Variants in NCMAP observed in about 807,000 individuals in gnomAD.
NCMAP encodes the protein noncompact myelin-associated protein.
A neutral mutation model predicts 7.8 loss-of-function variants in NCMAP; 8 were observed. The observed-to-expected ratio is 1.02, with a 90% CI of 0.60 to 1.84. NCMAP has a LOEUF of 1.84. Ranked by LOEUF, NCMAP falls within the 40% of genes most tolerant of loss-of-function variation. The probability of loss-of-function intolerance (pLI) is 0.00; values close to 1 mark genes in which losing one functional copy is unlikely to be tolerated. For synonymous variants in NCMAP, 41 were observed against 52.9 expected (o/e 0.78, Z 0.98); for missense variants, 112 against 131.4 (o/e 0.85, Z 0.72).
At chr1:24,564,810 A>C (rs1383928425) in intron 1 of NCMAP, among the ~76,000 whole-genome samples, 1 of 152,166 alleles carries the variant, frequency 6.6e-6, no homozygotes, top group East Asian at 1.9e-4. Context: ...ACAGAGGAAC[A>C]AGAACTGGGT....
At chr1:24,604,602 AAAAATATATATATATATATATATATATAT>A (rs1557605291) in intron 3 of NCMAP, among the ~76,000 whole-genome samples, 17 of 45,510 alleles carry the variant, frequency 3.7e-4, no homozygotes, top group African/African-American at 5.6e-4. Flanking sequence ...AAAAAAAAAA[AAAAATATATATATATATATATATATATAT>A]ATATATATAT....
rs1482311769 is a variant in NCMAP at position 24,597,522 on chromosome 1, G to T, written c.82+2010G>T. The stretch of plus-strand genomic sequence containing the variant: ...GTCAAAAAAAGAAAGAGAAGGAAGG[G>T]GGGGGGGGAGGGGGAGGGGGAGGGG... On this transcript the variant is annotated intron_variant, in intron 2 of 3. Coordinates refer to ENST00000374392, the MANE Select transcript of NCMAP (RefSeq NM_001010980.5). 4.2e-4 allele frequency among the ~76,000 whole-genome samples: 14 copies of T among 33,394 alleles called. No homozygotes were observed. In the South Asian group the frequency reaches 0.033, roughly 79 times the overall value. The allele number at this position is 33,394 out of a possible 152,430, so 21.9% of individuals were successfully genotyped here. A position where few individuals can be genotyped will look rare whatever the true frequency, so the allele number is the denominator to read the frequency against.
chr1:24,600,378 T>A (rs1232611134), intron 2 of NCMAP, among the ~76,000 whole-genome samples: 1 of 152,076 alleles, frequency 6.6e-6, no homozygotes, highest in Non-Finnish European at 1.5e-5. Context: ...AGTCTCGAAC[T>A]CCTGGGCTCA....
At chr1:24,580,949 G>T (rs1405026251) in intron 1 of NCMAP, among the ~76,000 whole-genome samples, 1 of 152,150 alleles carries the variant, frequency 6.6e-6, no homozygotes, top group African/African-American at 2.4e-5. Flanking sequence ...TTTCAAACCT[G>T]GATTGGCGTC....
At chr1:24,597,433 A>C (rs1406476192) in intron 2 of NCMAP, among the ~76,000 whole-genome samples, 5 of 138,918 alleles carry the variant, frequency 3.6e-5, no homozygotes, top group Non-Finnish European at 7.8e-5. Flanking sequence ...GAACCTGGGA[A>C]GTGGAGGTTG....
At chr1:24,586,564 C>T (rs1381836949) in intron 1 of NCMAP, among the ~76,000 whole-genome samples, 3 of 152,140 alleles carry the variant, frequency 2.0e-5, no homozygotes, top group Non-Finnish European at 4.4e-5. Flanking sequence ...AGTTCAAGAC[C>T]AGTCTGGCCA....
intron 1 of NCMAP, among the ~76,000 whole-genome samples, chr1:24,579,282 T>C (rs971058351): frequency 1.3e-5 from 2 of 152,114 alleles, no homozygotes; most frequent in Non-Finnish European, 1.5e-5. Context: ...ATATCTTAGC[T>C]GTCTGAATAT....
intron 1 of NCMAP, among the ~76,000 whole-genome samples, chr1:24,580,102 C>T (rs1462541094): frequency 1.3e-5 from 2 of 152,154 alleles, no homozygotes; most frequent in South Asian, 4.1e-4. Context: ...ATGGACCACA[C>T]TGTGAGGGCC....
At chr1:24,572,961 T>C (rs1290749092) in intron 1 of NCMAP, among the ~76,000 whole-genome samples, 1 of 150,638 alleles carries the variant, frequency 6.6e-6, no homozygotes. Context: ...TGGAGTTTGA[T>C]AAGGATCCAA....
In NCMAP at chr1:24,576,949, G is replaced by A. The variant is rs896169636; in HGVS notation, c.-7-18475G>A. ...TCAAGACCAGCCTGGCTAACATGACGAAATCCTGTCTCTACTAAAAGCACA... is the reference window on the plus strand; with the variant it reads ...TCAAGACCAGCCTGGCTAACATGACAAAATCCTGTCTCTACTAAAAGCACA... On this transcript the variant is annotated intron_variant, in intron 1 of 3. Coordinates refer to ENST00000374392, the MANE Select transcript of NCMAP (RefSeq NM_001010980.5). This position sits in a 1 kb window ranked among gnomAD's most constrained non-coding sequence, Gnocchi z 4.0. Among the ~76,000 whole-genome samples the A allele has an allele frequency of 1.3e-5, 2 of 152,030 alleles. No individual in the cohort carries two copies. The highest frequency in any genetic ancestry group is 4.2e-4 in the South Asian group (2 of 4,808).
intron 1 of NCMAP, among the ~76,000 whole-genome samples, chr1:24,568,105 G>T (rs1651282331): frequency 6.6e-6 from 1 of 152,116 alleles, no homozygotes; most frequent in Admixed American, 6.6e-5. Flanking sequence ...GGAACACGGG[G>T]CAACTCACAG....
At chr1:24,602,040 C>CA (rs10699965) in intron 3 of NCMAP, among the ~76,000 whole-genome samples, 5,041 of 133,874 alleles carry the variant, frequency 0.038, 275 homozygotes, top group African/African-American at 0.12. Flanking sequence ...AACTCCGTCT[C>CA]AAAAAAAAAA....
intron 2 of NCMAP, among the ~76,000 whole-genome samples, chr1:24,596,873 T>C (rs539880202): frequency 2.0e-5 from 3 of 152,200 alleles, no homozygotes; most frequent in Admixed American, 6.5e-5. Context: ...AGAAAATCAA[T>C]TGATGGTATA....
chr1:24,574,626 T>C (rs72654616), intron 1 of NCMAP, among the ~76,000 whole-genome samples: 22,616 of 151,796 alleles, frequency 0.15, 2,518 homozygotes, highest in African/African-American at 0.32. Context: ...TCTGGAGAAC[T>C]CCGACATATA....
chr1:24,564,513 C>CAAAAAAAAAAAAA, intron 1 of NCMAP, among the ~76,000 whole-genome samples: 1 of 50,008 alleles, frequency 2.0e-5, no homozygotes, highest in Non-Finnish European at 3.1e-5. Context: ...GATTCTGTCT[C>CAAAAAAAAAAAAA]AAAAAAAAAA....
intron 2 of NCMAP, among the ~76,000 whole-genome samples, chr1:24,597,340 C>A (rs1411630424): frequency 6.6e-6 from 1 of 151,340 alleles, no homozygotes; most frequent in Non-Finnish European, 1.5e-5. Flanking sequence ...ATCTCTACTA[C>A]TAAAAATACA....
At position 24,608,444 on chromosome 1, in the gene NCMAP, C is replaced by T. The variant is rs1227238124; in HGVS notation, c.*2697C>T. ...TCCATGCTCACGGCCAAAAGAGCCC[C>T]TTCTCAACACATCCAAGTGCTAAGG... On this transcript the variant is annotated 3_prime_UTR_variant, in exon 4 of 4. Coordinates refer to ENST00000374392, the MANE Select transcript of NCMAP (RefSeq NM_001010980.5). 3.3e-5 allele frequency: 5 copies of T among 152,302 alleles called. No homozygotes were observed. Among genetic ancestry groups the T allele is most frequent in the Admixed American group, 1.3e-4 (2 of 15,280 alleles). The allele number at this position is 152,302 out of a possible 1,614,324, so 9.4% of individuals were successfully genotyped here. A position where few individuals can be genotyped will look rare whatever the true frequency, so the allele number is the denominator to read the frequency against.
intron 1 of NCMAP, among the ~76,000 whole-genome samples, chr1:24,565,144 CT>C (rs11368502): frequency 0.11 from 15,026 of 142,488 alleles, 2,470 homozygotes; most frequent in African/African-American, 0.36. Flanking sequence ...TTTTATACAC[CT>C]TTTTTTTTTT....
intron 1 of NCMAP, among the ~76,000 whole-genome samples, chr1:24,559,360 C>A (rs6700015): frequency 0.23 from 34,821 of 151,950 alleles, 4,167 homozygotes; most frequent in African/African-American, 0.28. Flanking sequence ...GAAAAGAATT[C>A]CTAATCAGAA....
Sources: allele counts gnomAD v4.1 joint callset (sites outside exome capture counted in the v4.1 genomes callset), GRCh38; gene constraint gnomAD v4.1.1; non-coding constraint Gnocchi (gnomAD v3.1); transcripts MANE v1.5; gene names NCBI Gene and HGNC (gene_info 2026-07-23, HGNC 2026-07-21).